Variants in MAP3K13 observed in about 807,000 individuals in gnomAD.
MAP3K13 encodes leucine zipper-bearing kinase.
A neutral mutation model predicts 104.0 loss-of-function variants in MAP3K13; 52 were observed. The observed-to-expected ratio is 0.50, with a 90% confidence interval of 0.40 to 0.63. The LOEUF is 0.63. MAP3K13 is among the 20% of genes least tolerant of loss of function. MAP3K13 has a pLI of 0.00. For synonymous variants in MAP3K13, 394 were observed against 442.2 expected (o/e 0.89, Z 1.37); for missense variants, 914 against 1,218.5 (o/e 0.75, Z 3.72).
chr3:185,468,793 C>T lies in MAP3K13; in HGVS notation c.1643+1830C>T, dbSNP rs532607041. ...AACTTTTTTCAGATTCCACCTGACA[C>T]AATCCTTGGGGTTGGGGGAAATCCC... On this transcript the variant is annotated intron_variant, in intron 10 of 13. Coordinates refer to ENST00000265026, the MANE Select transcript of MAP3K13 (RefSeq NM_004721.5). Among the ~76,000 whole-genome samples the T allele has an allele frequency of 2.6e-5, 4 of 152,340 alleles. No individual in the cohort carries two copies. The South Asian group carries it at 8.3e-4, about 32-fold the overall frequency.
chr3:185,424,283 T>C (rs901551380), intron 1 of MAP3K13, among the ~76,000 whole-genome samples: 1 of 152,212 alleles, frequency 6.6e-6, no homozygotes, highest in Non-Finnish European at 1.5e-5. Context: ...ATCAAAAACT[T>C]AGATCAAATG....
chr3:185,360,639 C>T (rs1000019374), upstream of MAP3K13, among the ~76,000 whole-genome samples: 1 of 151,980 alleles, frequency 6.6e-6, no homozygotes, highest in Non-Finnish European at 1.5e-5. Context: ...TCCATAAAGC[C>T]CCCAAGTTTT....
intron 1 of MAP3K13, among the ~76,000 whole-genome samples, chr3:185,414,553 A>G (rs1340221516): frequency 6.6e-6 from 1 of 152,214 alleles, no homozygotes; most frequent in East Asian, 1.9e-4. Flanking sequence ...TGAAAAAGCA[A>G]CGCAAGGATA....
chr3:185,359,678 C>T (rs1460406131), upstream of MAP3K13, among the ~76,000 whole-genome samples: 1 of 152,102 alleles, frequency 6.6e-6, no homozygotes, highest in Non-Finnish European at 1.5e-5. Flanking sequence ...AATGAGAAAA[C>T]TGAAACTCAG....
Position 185,313,752 on chromosome 3 carries a change from G to T in MAP3K13, c.-86+28109G>T, listed in dbSNP as rs114645054. ...GTAGTGGTGAAAAAAAAAAAGAAGG[G>T]TGAATTATTGTGAAGTTAATGATAG... On this transcript the variant is annotated intron_variant, in intron 2 of 14. Transcript: ENST00000424227. Among the ~76,000 whole-genome samples, 1,127 of 152,148 alleles carry T rather than the reference G, an allele frequency of 7.4e-3. 19 individuals are homozygous for T. The highest frequency in any genetic ancestry group is 0.026 in the African/African-American group (1,066 of 41,518).
At chr3:185,429,262 T>G (rs1714610442) in intron 2 of MAP3K13, among the ~76,000 whole-genome samples, 2 of 152,244 alleles carry the variant, frequency 1.3e-5, no homozygotes, top group Non-Finnish European at 2.9e-5. Flanking sequence ...GCCCATCTTT[T>G]GTGGTCATCC....
At chr3:185,480,058 C>G (rs1335569579) in intron 12 of MAP3K13, 174 bp from the exon 13 acceptor site, 2 of 644,776 alleles carry the variant, frequency 3.1e-6, no homozygotes, top group Non-Finnish European at 2.7e-6. Flanking sequence ...GGATAAAATT[C>G]AGTCCATTGC....
At chr3:185,312,549 T>C (rs144850290) in intron 2 of MAP3K13, among the ~76,000 whole-genome samples, 297 of 152,340 alleles carry the variant, frequency 1.9e-3, no homozygotes, top group African/African-American at 6.9e-3. Flanking sequence ...ATGCAGAGAT[T>C]TCCCACTTTG....
Position 185,447,956 on chromosome 3 carries a change from C to A in MAP3K13, c.1010+9C>A. On this transcript the variant is annotated intron_variant, in intron 5 of 13. Coordinates refer to ENST00000265026, the MANE Select transcript of MAP3K13 (RefSeq NM_004721.5). Reference sequence around the variant, plus strand: ...GAAAAAGTTGATATATGGTGAGTGGCGCCACCAGTTGTGCCAACTAAAAAG... The same window carrying A: ...GAAAAAGTTGATATATGGTGAGTGGAGCCACCAGTTGTGCCAACTAAAAAG... 6.3e-7 allele frequency: 1 copy of A among 1,598,476 alleles called. No individual in the cohort carries two copies. The highest frequency in any genetic ancestry group is 8.5e-7 in the Non-Finnish European group (1 of 1,171,354).
intron 1 of MAP3K13, among the ~76,000 whole-genome samples, chr3:185,388,760 C>T (rs987320418): frequency 6.6e-6 from 1 of 152,044 alleles, no homozygotes; most frequent in Non-Finnish European, 1.5e-5. Flanking sequence ...AAGCTGGAGG[C>T]ATCACAAAAC....
upstream of MAP3K13, among the ~76,000 whole-genome samples, chr3:185,362,624 T>G (rs1475280963): frequency 6.6e-6 from 1 of 152,228 alleles, no homozygotes; most frequent in African/African-American, 2.4e-5. Context: ...ATTGTTCCCA[T>G]GCGTTCTTCC....
At chr3:185,399,056 G>A (rs976210339) in intron 1 of MAP3K13, among the ~76,000 whole-genome samples, 7 of 152,132 alleles carry the variant, frequency 4.6e-5, no homozygotes, top group Non-Finnish European at 8.8e-5. Context: ...GTTCACCATC[G>A]CATCCTTTAG....
rs541109179 is a variant in MAP3K13 at position 185,380,950 on chromosome 3, T to G, written c.-86+17582T>G. 3.1e-3 allele frequency among the ~76,000 whole-genome samples: 459 copies of G among 149,426 alleles called. 5 individuals are homozygous for G. Among genetic ancestry groups the G allele is most frequent in the African/African-American group, 9.8e-3 (399 of 40,738 alleles). On this transcript the variant is annotated intron_variant, in intron 1 of 13. Coordinates refer to ENST00000265026, the MANE Select transcript of MAP3K13 (RefSeq NM_004721.5). The stretch of plus-strand genomic sequence containing the variant: ...TAAAAGAGGAAGAAGGTTTTTTTGT[T>G]TTTTTTTTGTTTTTTTTTGTTTTTC...
rs115904575 is a variant in MAP3K13 at position 185,297,208 on chromosome 3, A to G, written c.-86+11565A>G. Among the ~76,000 whole-genome samples the G allele has an allele frequency of 5.3e-3, 807 of 152,356 alleles. 12 individuals carry two copies. Among genetic ancestry groups the G allele is most frequent in the African/African-American group, 0.019 (778 of 41,582 alleles). On this transcript the variant is annotated intron_variant, in intron 2 of 14. Coordinates refer to the MAP3K13 transcript ENST00000424227. ...AAAATGTACACAGTCTGTCCATTAC[A>G]AAGGCTCTGCTACATTTGAGAGATG...
At chr3:185,464,916 A>G (rs1319347529) in intron 8 of MAP3K13, among the ~76,000 whole-genome samples, 1 of 152,140 alleles carries the variant, frequency 6.6e-6, no homozygotes, top group African/African-American at 2.4e-5. Context: ...AGTCTTTTTT[A>G]TAAGGGGACT....
In MAP3K13 at chr3:185,306,634, T is replaced by C. The variant is rs186170789; in HGVS notation, c.-86+20991T>C. Among the ~76,000 whole-genome samples, 32 of 152,312 alleles carry C rather than the reference T, an allele frequency of 2.1e-4. 1 individual carries two copies. The East Asian group carries it at 4.4e-3, about 21-fold the overall frequency. On this transcript the variant is annotated intron_variant, in intron 2 of 14. Coordinates refer to the MAP3K13 transcript ENST00000424227. ...CACACTTTTAATGGGGTTATTTGAC[T>C]TTTGCTTGTTGAATTCTTTAAGTTC...
chr3:185,358,363 T>C (rs192996597), upstream of MAP3K13, among the ~76,000 whole-genome samples: 1 of 152,310 alleles, frequency 6.6e-6, no homozygotes, highest in East Asian at 1.9e-4. Flanking sequence ...TCCATGTGAA[T>C]TCCTTACATG....
chr3:185,467,046 G>A, intron 10 of MAP3K13, 83 bp downstream of exon 10: 3 of 1,519,946 alleles, frequency 2.0e-6, no homozygotes, highest in Non-Finnish European at 2.7e-6. Flanking sequence ...TGGCGGATGT[G>A]GCCTCTTCTT....
At chr3:185,386,025 T>G (rs1031654573) in intron 1 of MAP3K13, among the ~76,000 whole-genome samples, 1 of 151,756 alleles carries the variant, frequency 6.6e-6, no homozygotes, top group African/African-American at 2.4e-5. Flanking sequence ...GTTAATATGC[T>G]TAATACACAT....
Sources: gnomAD v4.1 joint callset for allele counts (sites outside exome capture counted in the v4.1 genomes callset) on GRCh38, gnomAD v4.1.1 for gene constraint, MANE v1.5 for transcripts, NCBI Gene and HGNC (gene_info 2026-07-23, HGNC 2026-07-21) for gene names.